Variants in CNTN5 observed in about 807,000 individuals in gnomAD.
CNTN5 encodes the protein contactin-5.
Under a neutral mutation model 129.1 loss-of-function variants are expected in CNTN5, and 77 were observed. The ratio of observed to expected loss-of-function variants is 0.60; its 90% CI spans 0.50 to 0.72. CNTN5 has a LOEUF of 0.72. Among genes scored for constraint, CNTN5 ranks in the 30% least tolerant of loss-of-function variants. The pLI is 0.00. For synonymous variants in CNTN5, 509 were observed against 465.6 expected, an observed-to-expected ratio of 1.09 and a Z score of -1.20; for missense variants, 1,478 against 1,328.8, an observed-to-expected ratio of 1.11 and a Z score of -1.75.
intron 15 of CNTN5, among the ~76,000 whole-genome samples, chr11:100,202,232 T>G (rs975864538): frequency 7.2e-5 from 11 of 152,012 alleles, no homozygotes; most frequent in Non-Finnish European, 1.6e-4. Context: ...TTATCAGATC[T>G]AGGGCATATC....
Position 99,519,591 on chromosome 11 carries a change from C to T in CNTN5, c.-70-36554C>T, listed in dbSNP as rs1263186150. Among the ~76,000 whole-genome samples, 5 of 151,996 alleles carry T rather than the reference C, an allele frequency of 3.3e-5. No homozygotes were observed. The East Asian group carries it at 9.6e-4, about 29-fold the overall frequency. ...ATTTTCTTCCTTCTAATTATGCTCT[C>T]ATTTATAATACATGTTCACAGTATT... On this transcript the variant is annotated intron_variant, in intron 2 of 24. Transcript: ENST00000524871.
At chr11:99,956,557 C>G (rs985605662) in intron 7 of CNTN5, among the ~76,000 whole-genome samples, 4 of 152,064 alleles carry the variant, frequency 2.6e-5, no homozygotes, top group African/African-American at 9.7e-5. Flanking sequence ...AAAACATGTT[C>G]AGTACACATT....
At chr11:99,815,692 G>T (rs776733613) in intron 3 of CNTN5, among the ~76,000 whole-genome samples, 19 of 152,100 alleles carry the variant, frequency 1.2e-4, no homozygotes, top group Non-Finnish European at 2.5e-4. Flanking sequence ...ATACTGCTGT[G>T]TGCACACCCT....
At chr11:99,782,770 G>T (rs1257188714) in intron 3 of CNTN5, among the ~76,000 whole-genome samples, 3 of 151,948 alleles carry the variant, frequency 2.0e-5, no homozygotes, top group East Asian at 2.0e-4. Flanking sequence ...AAACTGGCTA[G>T]CCATATGTAG....
At chr11:99,401,453 C>G (rs986534619) in intron 2 of CNTN5, among the ~76,000 whole-genome samples, 6 of 151,946 alleles carry the variant, frequency 3.9e-5, no homozygotes, top group Non-Finnish European at 8.8e-5. Flanking sequence ...CTGTTTTATG[C>G]CAGTACAATA....
intron 7 of CNTN5, among the ~76,000 whole-genome samples, chr11:99,942,658 T>C (rs1330580903): frequency 1.3e-5 from 2 of 152,046 alleles, no homozygotes; most frequent in Non-Finnish European, 2.9e-5. Context: ...ATATTTGTCC[T>C]AATGCTCTCC....
At chr11:99,196,205 T>C (rs1306535114) in intron 1 of CNTN5, among the ~76,000 whole-genome samples, 1 of 151,864 alleles carries the variant, frequency 6.6e-6, no homozygotes, top group Non-Finnish European at 1.5e-5. Flanking sequence ...TAAACAACAA[T>C]CTGTTAACTA....
At chr11:100,058,393 A>C (rs942411825) in intron 9 of CNTN5, among the ~76,000 whole-genome samples, 12 of 144,380 alleles carry the variant, frequency 8.3e-5, no homozygotes, top group Admixed American at 2.8e-4. Flanking sequence ...CCATTATGCT[A>C]CTGCATCTGT....
At chr11:99,322,706 T>C (rs1038698452) in intron 1 of CNTN5, among the ~76,000 whole-genome samples, 4 of 152,168 alleles carry the variant, frequency 2.6e-5, no homozygotes, top group African/African-American at 9.7e-5. Flanking sequence ...CAAATTTTTG[T>C]ATCCCAGCCT....
intron 8 of CNTN5, among the ~76,000 whole-genome samples, chr11:99,991,747 T>G (rs78811950): frequency 0.032 from 4,341 of 135,714 alleles, 191 homozygotes; most frequent in East Asian, 0.23. Context: ...CATGCAGGTT[T>G]GTTTGTTTGT....
chr11:99,642,365 G>C (rs538270174), intron 3 of CNTN5, among the ~76,000 whole-genome samples: 1 of 152,266 alleles, frequency 6.6e-6, no homozygotes, highest in South Asian at 2.1e-4. Context: ...TATCTTTCAA[G>C]TTGGATCTCT....
intron 3 of CNTN5, among the ~76,000 whole-genome samples, chr11:99,573,248 G>A (rs1217912273): frequency 1.3e-5 from 2 of 151,846 alleles, no homozygotes. Context: ...CACTCTGCCA[G>A]GCTATTCTAC....
chr11:99,490,755 A>G (rs552206272), intron 2 of CNTN5, among the ~76,000 whole-genome samples: 74 of 152,274 alleles, frequency 4.9e-4, no homozygotes, highest in African/African-American at 1.7e-3. Context: ...CCATGTGGTG[A>G]GTGAAGTGGA....
intron 3 of CNTN5, among the ~76,000 whole-genome samples, chr11:99,682,246 C>G (rs775328794): frequency 2.6e-5 from 4 of 151,558 alleles, no homozygotes; most frequent in Non-Finnish European, 4.4e-5. Flanking sequence ...AGTGGGTGAA[C>G]AATATGTAAG....
chr11:99,843,177 T>A (rs990359960), intron 4 of CNTN5, among the ~76,000 whole-genome samples: 1 of 152,174 alleles, frequency 6.6e-6, no homozygotes. Flanking sequence ...TGAGCCAAGA[T>A]CGTGCCACTG....
chr11:99,476,801 G>A (rs889064063), intron 2 of CNTN5, among the ~76,000 whole-genome samples: 5 of 152,090 alleles, frequency 3.3e-5, no homozygotes, highest in African/African-American at 1.2e-4. Context: ...GATAGCTCAT[G>A]TTTAATCAAC....
At chr11:99,607,285 G>A (rs10893575) in intron 3 of CNTN5, among the ~76,000 whole-genome samples, 2,271 of 93,198 alleles carry the variant, frequency 0.024, 7 homozygotes, top group Non-Finnish European at 0.033. Context: ...AAAAGTGGGC[G>A]AAGGACATGA....
At chr11:99,825,802 T>C (rs1329129091) in intron 4 of CNTN5, among the ~76,000 whole-genome samples, 1 of 152,138 alleles carries the variant, frequency 6.6e-6, no homozygotes, top group Non-Finnish European at 1.5e-5. Context: ...TATTTTTTTC[T>C]AATGCTTGCC....
At chr11:99,184,387 C>T (rs1858236007) in intron 1 of CNTN5, among the ~76,000 whole-genome samples, 1 of 152,152 alleles carries the variant, frequency 6.6e-6, no homozygotes, top group East Asian at 1.9e-4. Context: ...CTGCTCTCAC[C>T]ACTTAACTTG....
Sources: gnomAD v4.1 joint callset for allele counts (sites outside exome capture counted in the v4.1 genomes callset) on GRCh38, gnomAD v4.1.1 for gene constraint, MANE v1.5 for transcripts, NCBI Gene and HGNC (gene_info 2026-07-23, HGNC 2026-07-21) for gene names.